Variants in DNAH12 observed in about 807,000 individuals in gnomAD.
DNAH12 encodes the protein axonemal beta dynein heavy chain 12.
DNAH12 carries 285 observed loss-of-function variants against 371.5 expected under a neutral mutation model. The observed-to-expected ratio is 0.77, with a 90% CI of 0.70 to 0.85. DNAH12 has a LOEUF of 0.85. Among genes scored for constraint, DNAH12 ranks in the 40% least tolerant of loss-of-function variants. The pLI is 0.00. For synonymous variants in DNAH12, 1,200 were observed against 1,213.0 expected (o/e 0.99, Z 0.22); for missense variants, 3,611 against 3,689.4 (o/e 0.98, Z 0.55).
Position 57,508,396 on chromosome 3 carries a change from G to C in DNAH12, c.687C>G (p.Asp229Glu). 2 of 1,603,282 alleles carry C rather than the reference G, an allele frequency of 1.2e-6. No individual in the cohort carries two copies. The highest frequency in any genetic ancestry group is 8.5e-7 in the Non-Finnish European group (1 of 1,176,816). Residue 229 changes from aspartate (D) to glutamate (E), a missense_variant, in exon 7 of 74, where the codon GAC (aspartate) becomes GAG (glutamate). Physicochemically the swap from Asp to Glu is conservative, Grantham distance 45. Transcript: ENST00000495027. ...CGGGATTTTACCTAATTCCTGTGAA[G>C]TCCAACAAAACTGTATCAGCAAATG... is the stretch of plus-strand genomic sequence containing the variant. ...YTTFADTVLLDFTGIRAKGPI... is the reference protein window; with the variant it reads ...YTTFADTVLLEFTGIRAKGPI...
At chr3:57,352,043 G>A (rs898347865) in intron 60 of DNAH12, 42 bp downstream of exon 60, 5 of 1,473,618 alleles carry the variant, frequency 3.4e-6, no homozygotes, top group Middle Eastern at 1.8e-4. Context: ...TTCCAGGGAG[G>A]TTTTAAAAAT....
chr3:57,426,667 A>C (rs1390554557), intron 34 of DNAH12, among the ~76,000 whole-genome samples: 1 of 144,700 alleles, frequency 6.9e-6, no homozygotes, highest in Non-Finnish European at 1.5e-5. Flanking sequence ...TCATCTCTAC[A>C]AAAAAAAAAA....
the DNAH12 span, among the ~76,000 whole-genome samples, chr3:57,554,478 C>T: frequency 6.6e-6 from 1 of 152,000 alleles, no homozygotes; most frequent in Non-Finnish European, 1.5e-5. Flanking sequence ...GAACTTCATA[C>T]TATGGCTTAG....
intron 51 of DNAH12, among the ~76,000 whole-genome samples, 161 bp from the exon 52 acceptor site, chr3:57,379,459 TAGC>T (rs1465076474): frequency 6.6e-6 from 1 of 152,140 alleles, no homozygotes; most frequent in African/African-American, 2.4e-5. Context: ...AGCATAATTG[TAGC>T]AGAAGTATGT....
Position 57,421,557 on chromosome 3 carries a change from T to C in DNAH12, c.5523A>G (p.Pro1841=). 6.4e-7 allele frequency: 1 copy of C among 1,551,660 alleles called. No individual in the cohort carries two copies. The highest frequency in any genetic ancestry group is 8.7e-7 in the Non-Finnish European group (1 of 1,146,988). The change falls in exon 36 of 74, where the codon CCA becomes CCG. Residue 1841 remains proline, a synonymous_variant. Coordinates refer to ENST00000495027, the MANE Select transcript of DNAH12 (RefSeq NM_001366028.2). The stretch of plus-strand genomic sequence containing the variant: ...CATAGACCAGGCCTTTTTCATCAAA[T>C]GGGCATTCCCATTTACCCACAGAAT... ...VPDSVGKWEC[P]FDEKGLVYDY...
rs111803219 is a variant in DNAH12 at position 57,453,036 on chromosome 3, T to C, written c.3614-21A>G. 1.4e-5 allele frequency: 21 copies of C among 1,530,632 alleles called. No homozygotes were observed. The African/African-American group carries it at 2.1e-4, about 15-fold the overall frequency. 94.8% of individuals were successfully genotyped at this position (1,530,632 alleles called of 1,614,324 possible). On this transcript the variant is annotated intron_variant, in intron 24 of 73. Transcript: ENST00000495027. Reference sequence around the variant, plus strand: ...GACACCTAGAAAAAATAAAGTAAAATAAGACACATGATCCTTAAATGGAAA... The same window carrying C: ...GACACCTAGAAAAAATAAAGTAAAACAAGACACATGATCCTTAAATGGAAA...
At chr3:57,314,781 ATACT>A (rs1407488654) in intron 65 of DNAH12, 150 bp from the exon 66 acceptor site, 4 of 791,230 alleles carry the variant, frequency 5.1e-6, no homozygotes, top group African/African-American at 1.8e-5. Flanking sequence ...ATCTAAAATA[ATACT>A]TACTATAAAT....
At chr3:57,511,131 C>T (rs964108088) in intron 4 of DNAH12, 152 bp from the exon 5 acceptor site, 3 of 541,694 alleles carry the variant, frequency 5.5e-6, no homozygotes, top group African/African-American at 4.0e-5. Context: ...TCCAAAAGTA[C>T]ATCCCACAAA....
intron 60 of DNAH12, among the ~76,000 whole-genome samples, chr3:57,338,336 C>T (rs2062283974): frequency 6.6e-6 from 1 of 152,224 alleles, no homozygotes; most frequent in African/African-American, 2.4e-5. Context: ...GGCTGGAGTG[C>T]AGTGGCGTGA....
At chr3:57,426,828 GAA>G (rs559705189) in intron 34 of DNAH12, among the ~76,000 whole-genome samples, 458 of 92,958 alleles carry the variant, frequency 4.9e-3, no homozygotes, top group African/African-American at 0.015. Context: ...GACTGTCTCA[GAA>G]AAAAAAAAAA....
chr3:57,499,645 A>AT (rs1246732869), intron 11 of DNAH12, among the ~76,000 whole-genome samples: 23 of 23,370 alleles, frequency 9.8e-4, no homozygotes, highest in East Asian at 4.2e-3. Flanking sequence ...AAAAAAAAAA[A>AT]AAATATATAT....
intron 70 of DNAH12, among the ~76,000 whole-genome samples, chr3:57,298,378 A>G (rs1308475286): frequency 1.3e-5 from 2 of 152,204 alleles, no homozygotes; most frequent in African/African-American, 2.4e-5. Context: ...TGCTGTTGCT[A>G]TCTTGCTACC....
intron 18 of DNAH12, 125 bp from the exon 19 acceptor site, chr3:57,461,814 G>T: frequency 1.3e-6 from 1 of 751,804 alleles, no homozygotes; most frequent in Non-Finnish European, 2.1e-6. Context: ...AAGATAATCT[G>T]TGAGTACAGT....
At chr3:57,552,033 A>T in the DNAH12 span, among the ~76,000 whole-genome samples, 1 of 151,332 alleles carries the variant, frequency 6.6e-6, no homozygotes, top group Non-Finnish European at 1.5e-5. Context: ...TCATGAGGTC[A>T]AGAGATCGAG....
At chr3:57,308,031 G>A (rs1004124405) in intron 69 of DNAH12, among the ~76,000 whole-genome samples, 2 of 152,204 alleles carry the variant, frequency 1.3e-5, no homozygotes, top group Admixed American at 6.5e-5. Context: ...ACTCTTCAGG[G>A]ATTATTCAGG....
intron 8 of DNAH12, among the ~76,000 whole-genome samples, chr3:57,504,975 C>T (rs1478474569): frequency 1.3e-5 from 2 of 151,430 alleles, no homozygotes; most frequent in African/African-American, 4.9e-5. Flanking sequence ...GCAACCTCTG[C>T]CTGCTGGGCT....
At chr3:57,441,135 A>G (rs2065292074) in intron 29 of DNAH12, among the ~76,000 whole-genome samples, 1 of 152,260 alleles carries the variant, frequency 6.6e-6, no homozygotes, top group South Asian at 2.1e-4. Flanking sequence ...ATACATTTAC[A>G]AAGTATAAAA....
the DNAH12 span, among the ~76,000 whole-genome samples, chr3:57,551,514 G>A: frequency 3.3e-4 from 49 of 150,590 alleles, no homozygotes; most frequent in East Asian, 8.0e-3. Context: ...CTCGTGATCC[G>A]CCCGCCTTGG....
At chr3:57,392,479 G>A (rs1037960919) in intron 44 of DNAH12, among the ~76,000 whole-genome samples, 9 of 152,072 alleles carry the variant, frequency 5.9e-5, no homozygotes, top group African/African-American at 2.2e-4. Context: ...TGGAATCCTA[G>A]TTTCTTGGGA....
Sources: gnomAD v4.1 joint callset for allele counts (sites outside exome capture counted in the v4.1 genomes callset) on GRCh38, gnomAD v4.1.1 for gene constraint, MANE v1.5 for transcripts, NCBI Gene and HGNC (gene_info 2026-07-23, HGNC 2026-07-21) for gene names.